The following KLHL32 variants were observed in gnomAD, a reference collection of about 807,000 sequenced individuals.
KLHL32 encodes kelch-like protein 32.
A neutral mutation model predicts 64.8 loss-of-function variants in KLHL32; 35 were observed. That is an observed-to-expected ratio of 0.54 (90% confidence interval 0.41 to 0.72). The LOEUF (loss-of-function observed/expected upper bound fraction) is 0.72, where lower values mean the gene tolerates loss of function less well. Among genes scored for constraint, KLHL32 ranks in the 30% least tolerant of loss-of-function variants. The pLI, the probability that KLHL32 is intolerant of heterozygous loss-of-function variation, is 0.00. For missense variants in KLHL32, 589 were observed against 768.5 expected (o/e 0.77, Z 2.76); for synonymous variants, 259 against 281.0 (o/e 0.92, Z 0.78).
chr6:96,926,975 T>C (rs1769242353), intron 1 of KLHL32, among the ~76,000 whole-genome samples: 1 of 152,194 alleles, frequency 6.6e-6, no homozygotes, highest in Non-Finnish European at 1.5e-5. Flanking sequence ...AATACTGATG[T>C]GAAAAAATAC....
At chr6:97,082,611 C>T (rs1792732550) in intron 5 of KLHL32, among the ~76,000 whole-genome samples, 1 of 63,764 alleles carries the variant, frequency 1.6e-5, no homozygotes, top group African/African-American at 4.7e-5. Context: ...AAGATTCCAT[C>T]TCAAAAAAAA....
At chr6:97,107,165 T>C (rs1020200736) in intron 6 of KLHL32, among the ~76,000 whole-genome samples, 11 of 151,642 alleles carry the variant, frequency 7.3e-5, no homozygotes, top group South Asian at 4.2e-4. Context: ...TGGTGGCAGG[T>C]GCCTGTAGTC....
intron 4 of KLHL32, among the ~76,000 whole-genome samples, chr6:97,057,172 C>CTTTTTTTTT (rs199552121): frequency 9.2e-5 from 6 of 64,998 alleles, no homozygotes; most frequent in African/African-American, 1.8e-4. Flanking sequence ...ATGTGAGTAT[C>CTTTTTTTTT]TTTTTTTTTT....
In KLHL32 at chr6:97,085,179, C is replaced by A; in HGVS notation, c.465C>A (p.Asn155Lys). The A allele has an allele frequency of 6.2e-7, 1 of 1,614,026 alleles. No homozygotes were observed. The highest frequency in any genetic ancestry group is 8.5e-7 in the Non-Finnish European group (1 of 1,180,024). ...LDLYRLADLF[N>K]LTLLEKAVID... ...TGTACAGACTTGCTGACCTCTTTAA[C>A]CTCACTTTGTTGGAGAAGGCAGTGA... The change falls in exon 6 of 11, where the codon AAC (asparagine) becomes AAA (lysine). Residue 155 changes from asparagine (N) to lysine (K), a missense_variant. By Grantham distance (94) the Asn-to-Lys change is moderately conservative. Transcript: ENST00000369261.
At chr6:97,017,262 C>A (rs1193529329) in intron 3 of KLHL32, among the ~76,000 whole-genome samples, 8 of 152,196 alleles carry the variant, frequency 5.3e-5, no homozygotes, top group South Asian at 2.1e-4. Flanking sequence ...TAAGCAGAGC[C>A]AAGCTGGTGC....
At chr6:97,090,290 G>GC (rs1424838582) in intron 6 of KLHL32, among the ~76,000 whole-genome samples, 3 of 152,138 alleles carry the variant, frequency 2.0e-5, no homozygotes, top group Non-Finnish European at 4.4e-5. Context: ...TTTAAAGACT[G>GC]CATTTTTCCT....
In KLHL32 at chr6:97,008,706, G is replaced by A. The variant is rs532954080; in HGVS notation, c.204+32529G>A. Among the ~76,000 whole-genome samples the A allele has an allele frequency of 7.2e-4, 109 of 152,160 alleles. No homozygotes were observed. The Middle Eastern group carries it at 0.01, about 14-fold the overall frequency. On this transcript the variant is annotated intron_variant, in intron 3 of 10. Coordinates refer to ENST00000369261, the MANE Select transcript of KLHL32 (RefSeq NM_052904.4). ...TCATCTCACTCCTTCCCCAGGAGAC[G>A]CTGGAGCCCAGGAATGAGTCCCTTT...
At chr6:97,110,232 G>A (rs188146877) in intron 6 of KLHL32, among the ~76,000 whole-genome samples, 2 of 152,186 alleles carry the variant, frequency 1.3e-5, no homozygotes, top group Admixed American at 1.3e-4. Context: ...ATAATTTTTT[G>A]TCAGGTTGGT....
chr6:97,139,295 T>C lies in KLHL32; in HGVS notation c.*13T>C, dbSNP rs1431294260. Reference sequence around the variant, plus strand: ...TGGCACCATCTGAAAAGCCAAGCCATCATGAACAGGAGGAAAACATAGCTC... The same window carrying C: ...TGGCACCATCTGAAAAGCCAAGCCACCATGAACAGGAGGAAAACATAGCTC... On this transcript the variant is annotated 3_prime_UTR_variant, in exon 11 of 11. Transcript: ENST00000369261. 2 of 1,609,140 alleles carry C rather than the reference T, an allele frequency of 1.2e-6. No individual in the cohort carries two copies. The highest frequency in any genetic ancestry group is 1.7e-6 in the Non-Finnish European group (2 of 1,176,944).
intron 5 of KLHL32, among the ~76,000 whole-genome samples, chr6:97,066,488 T>A (rs1303261483): frequency 1.3e-5 from 2 of 152,242 alleles, no homozygotes; most frequent in East Asian, 3.8e-4. Context: ...AAGTGTAGCA[T>A]GCATACATGC....
At chr6:97,071,753 C>G (rs1398060734) in intron 5 of KLHL32, among the ~76,000 whole-genome samples, 1 of 152,178 alleles carries the variant, frequency 6.6e-6, no homozygotes, top group Non-Finnish European at 1.5e-5. Flanking sequence ...CCATTTAAAT[C>G]TTTCTCAGAT....
chr6:96,923,387 A>G (rs1768822252), upstream of KLHL32, among the ~76,000 whole-genome samples: 1 of 152,210 alleles, frequency 6.6e-6, no homozygotes, highest in Non-Finnish European at 1.5e-5. Flanking sequence ...CTTATGAAAA[A>G]TTCTTAGGAT....
chr6:97,036,919 C>A (rs1220854660), intron 3 of KLHL32, among the ~76,000 whole-genome samples: 1 of 152,166 alleles, frequency 6.6e-6, no homozygotes, highest in Non-Finnish European at 1.5e-5. Flanking sequence ...GCTCTTTTCC[C>A]CTATGGGGGG....
At chr6:96,940,019 G>T (rs1033973736) in intron 1 of KLHL32, among the ~76,000 whole-genome samples, 1 of 152,162 alleles carries the variant, frequency 6.6e-6, no homozygotes, top group Non-Finnish European at 1.5e-5. Flanking sequence ...GAAACCTGAT[G>T]ACTCCTACAT....
At chr6:96,949,984 T>C (rs543268444) in intron 1 of KLHL32, among the ~76,000 whole-genome samples, 1 of 152,290 alleles carries the variant, frequency 6.6e-6, no homozygotes, top group Non-Finnish European at 1.5e-5. Context: ...TATCTTGCTG[T>C]TCAGTTACTC....
chr6:97,041,228 C>T (rs1284012026), intron 3 of KLHL32, among the ~76,000 whole-genome samples: 1 of 152,092 alleles, frequency 6.6e-6, no homozygotes, highest in African/African-American at 2.4e-5. Flanking sequence ...TAAATACTAT[C>T]ACCTCAAAAT....
At chr6:96,979,397 T>A (rs1434459901) in intron 3 of KLHL32, among the ~76,000 whole-genome samples, 1 of 151,940 alleles carries the variant, frequency 6.6e-6, no homozygotes, top group Admixed American at 6.6e-5. Context: ...TTGAATTTGG[T>A]CTTTTCCCAT....
chr6:96,999,465 T>A, intron 3 of KLHL32: 1 of 728,618 alleles, frequency 1.4e-6, no homozygotes, highest in African/African-American at 1.9e-5. Context: ...ATCAATAAAA[T>A]AATTTATTTC....
At chr6:96,913,141 G>A in the KLHL32 span, among the ~76,000 whole-genome samples, 1 of 152,302 alleles carries the variant, frequency 6.6e-6, no homozygotes, top group Admixed American at 6.5e-5. Flanking sequence ...AGATTAGAAA[G>A]GACTATTAAT....
Sources: gnomAD v4.1 joint callset for allele counts (sites outside exome capture counted in the v4.1 genomes callset) on GRCh38, gnomAD v4.1.1 for gene constraint, MANE v1.5 for transcripts, NCBI Gene and HGNC (gene_info 2026-07-23, HGNC 2026-07-21) for gene names.